Variants in KCNQ1 observed in about 807,000 individuals in gnomAD.
KCNQ1 encodes potassium voltage-gated channel subfamily KQT member 1.
A neutral mutation model predicts 72.4 loss-of-function variants in KCNQ1; 49 were observed. The observed-to-expected ratio is 0.68, with a 90% CI of 0.54 to 0.86. The LOEUF is 0.86. KCNQ1 is among the 40% of genes least tolerant of loss of function. The pLI, the probability that KCNQ1 is intolerant of heterozygous loss-of-function variation, is 0.00. For missense variants in KCNQ1, 790 were observed against 945.1 expected (o/e 0.84, Z 2.15); for synonymous variants, 450 against 412.6 (o/e 1.09, Z -1.10).
chr11:2,611,384 T>C lies in KCNQ1; in HGVS notation c.1393+22530T>C, dbSNP rs747697692. 24 of 397,184 alleles carry C rather than the reference T, an allele frequency of 6.0e-5. No homozygotes were observed. Among genetic ancestry groups the C allele is most frequent in the Non-Finnish European group, 1.0e-4 (23 of 225,830 alleles). The allele number at this position is 397,184 out of a possible 1,614,324, so 24.6% of individuals were successfully genotyped here. ...ACAGGCATTTGCCACCATACCCAGC[T>C]AATTTTTAGTAGAGACAGAGTTTCA... On this transcript the variant is annotated intron_variant, in intron 10 of 15. Coordinates refer to ENST00000155840, the MANE Select transcript of KCNQ1 (RefSeq NM_000218.3). This position sits in a 1 kb window ranked among gnomAD's most constrained non-coding sequence, Gnocchi z 5.3.
intron 11 of KCNQ1, among the ~76,000 whole-genome samples, chr11:2,718,647 C>T (rs1473786374): frequency 2.6e-5 from 4 of 152,210 alleles, no homozygotes; most frequent in Non-Finnish European, 4.4e-5. Context: ...GCATGACTCC[C>T]CAGCTGGCTC....
Position 2,664,253 on chromosome 11 carries a change from G to A in KCNQ1, c.1514+2172G>A. On this transcript the variant is annotated intron_variant, in intron 11 of 15. Transcript: ENST00000155840. This position sits in a 1 kb window ranked among gnomAD's most constrained non-coding sequence, Gnocchi z 5.1. The stretch of plus-strand genomic sequence containing the variant: ...GAGGGATCTGAAGAGGGGACTGGGA[G>A]AGGGAAAAACAAGGAGGTTGCTGCA... 2 of 399,086 alleles carry A rather than the reference G, an allele frequency of 5.0e-6. No homozygotes were observed. The highest frequency in any genetic ancestry group is 4.4e-6 in the Non-Finnish European group (1 of 226,422). 24.7% of individuals were successfully genotyped at this position (399,086 alleles called of 1,614,324 possible).
At chr11:2,709,122 C>T (rs930086339) in intron 11 of KCNQ1, among the ~76,000 whole-genome samples, 3 of 152,226 alleles carry the variant, frequency 2.0e-5, no homozygotes, top group Middle Eastern at 3.4e-3. Context: ...GCACAGAATT[C>T]GCTGTAACCC....
intron 11 of KCNQ1, among the ~76,000 whole-genome samples, chr11:2,717,613 C>T (rs1482978866): frequency 2.0e-5 from 3 of 152,208 alleles, no homozygotes; most frequent in Non-Finnish European, 4.4e-5. Flanking sequence ...CGTTCCTGTC[C>T]CAATCCTCCC....
chr11:2,515,842 C>A lies in KCNQ1; in HGVS notation c.387-12086C>A, dbSNP rs577080208. ...CGGCCCTGGGGGGCTTGTGCTCTGC[C>A]GGGCCACCTGCACCCTCCGGGCCCC... On this transcript the variant is annotated intron_variant, in intron 1 of 15. Transcript: ENST00000155840. This position sits in a 1 kb window ranked among gnomAD's most constrained non-coding sequence, Gnocchi z 4.7. 2.0e-5 allele frequency among the ~76,000 whole-genome samples: 3 copies of A among 152,044 alleles called. No individual in the cohort carries two copies. Among genetic ancestry groups the A allele is most frequent in the South Asian group, 2.1e-4 (1 of 4,826 alleles).
chr11:2,456,538 T>G (rs1167082515), intron 1 of KCNQ1, among the ~76,000 whole-genome samples: 1 of 151,724 alleles, frequency 6.6e-6, no homozygotes, highest in African/African-American at 2.4e-5. Context: ...TGGGAGAAAA[T>G]ATTAGCAAAC....
At chr11:2,591,223 C>T (rs1251271248) in intron 10 of KCNQ1, among the ~76,000 whole-genome samples, 1 of 152,240 alleles carries the variant, frequency 6.6e-6, no homozygotes, top group Non-Finnish European at 1.5e-5. Context: ...CAGGATGGCT[C>T]ACCTGCATCC....
At position 2,666,405 on chromosome 11, in the gene KCNQ1, A is replaced by G. The variant is rs1199467504; in HGVS notation, c.1514+4324A>G. On this transcript the variant is annotated intron_variant, in intron 11 of 15. Transcript: ENST00000155840. ...CAGCTTCGCAAATCCTTGAGCAAAA[A>G]CAGCCCCGTGTGCGTTAATTAGAAT... 1.0e-5 allele frequency: 4 copies of G among 398,578 alleles called. No individual in the cohort carries two copies. In the East Asian group the frequency reaches 1.1e-4, roughly 11 times the overall value. The allele number at this position is 398,578 out of a possible 1,614,324, so 24.7% of individuals were successfully genotyped here.
In KCNQ1 at chr11:2,704,337, A is replaced by G. The variant is rs184769488; in HGVS notation, c.1514+42256A>G. On this transcript the variant is annotated intron_variant, in intron 11 of 15. Coordinates refer to ENST00000155840, the MANE Select transcript of KCNQ1 (RefSeq NM_000218.3). This position sits in a 1 kb window ranked among gnomAD's most constrained non-coding sequence, Gnocchi z 4.3. Reference sequence around the variant, plus strand: ...TTTCAGGTACATGGGCCTGTTGTCAACTCTGTTCCCACTGAGCCCATGAGA... The same window carrying G: ...TTTCAGGTACATGGGCCTGTTGTCAGCTCTGTTCCCACTGAGCCCATGAGA... 6.6e-6 allele frequency among the ~76,000 whole-genome samples: 1 copy of G among 151,916 alleles called. No individual in the cohort carries two copies. The highest frequency in any genetic ancestry group is 1.9e-4 in the East Asian group (1 of 5,174).
intron 15 of KCNQ1, among the ~76,000 whole-genome samples, chr11:2,821,134 T>G (rs1164320587): frequency 6.6e-6 from 1 of 152,102 alleles, no homozygotes; most frequent in Non-Finnish European, 1.5e-5. Context: ...CAGGGTGGGG[T>G]GGGTCTGTCA....
At position 2,544,956 on chromosome 11, in the gene KCNQ1, A is replaced by T. The variant is rs565797610; in HGVS notation, c.477+16938A>T. On this transcript the variant is annotated intron_variant, in intron 2 of 15. Coordinates refer to ENST00000155840, the MANE Select transcript of KCNQ1 (RefSeq NM_000218.3). This position sits in a 1 kb window ranked among gnomAD's most constrained non-coding sequence, Gnocchi z 4.4. ...TTTCCATAGATGTCTTTACCAGGTT[A>T]AGGAAACGTCCCCTCTAATACTATA... 2.3e-4 allele frequency among the ~76,000 whole-genome samples: 35 copies of T among 152,324 alleles called. No individual in the cohort carries two copies. The highest frequency in any genetic ancestry group is 3.8e-4 in the Non-Finnish European group (26 of 68,028).
intron 10 of KCNQ1, chr11:2,630,692 G>A (rs1849338587): frequency 2.5e-6 from 1 of 398,214 alleles, no homozygotes; most frequent in Non-Finnish European, 4.4e-6. Flanking sequence ...ACTTTCATAT[G>A]TTTTCATGTT....
At position 2,673,428 on chromosome 11, in the gene KCNQ1, G is replaced by T; in HGVS notation, c.1514+11347G>T. On this transcript the variant is annotated intron_variant, in intron 11 of 15. Transcript: ENST00000155840. The surrounding 1 kb of genome is among the most constrained non-coding windows in gnomAD (Gnocchi z 4.5). ...TTCTGCCTAGGCACCAGGCCTGGAG[G>T]TTCCAACTTGGTGTTGGGCCTCCTT... is the stretch of plus-strand genomic sequence containing the variant. 2.5e-6 allele frequency: 1 copy of T among 398,692 alleles called. No homozygotes were observed. The highest frequency in any genetic ancestry group is 3.6e-5 in the East Asian group (1 of 28,080). 24.7% of individuals were successfully genotyped at this position (398,692 alleles called of 1,614,324 possible). A position where few individuals can be genotyped will look rare whatever the true frequency, so the allele number is the denominator to read the frequency against.
intron 10 of KCNQ1, chr11:2,660,773 TACA>T (rs1849939789): frequency 7.5e-6 from 3 of 398,642 alleles, no homozygotes; most frequent in Admixed American, 8.8e-5. Flanking sequence ...CCTGAATTGC[TACA>T]ACTTCTTGGG....
In KCNQ1 at chr11:2,617,102, C is replaced by G. The variant is rs1849079676; in HGVS notation, c.1393+28248C>G. 1 of 398,004 alleles carries G rather than the reference C, an allele frequency of 2.5e-6. No homozygotes were observed. The highest frequency in any genetic ancestry group is 4.4e-6 in the Non-Finnish European group (1 of 225,832). 24.7% of individuals were successfully genotyped at this position (398,004 alleles called of 1,614,324 possible). A position where few individuals can be genotyped will look rare whatever the true frequency, so the allele number is the denominator to read the frequency against. ...GTGTATGAGTGAGAAAAGCTATGAT[C>G]TACTCAATTGGCAAAAATTCCAAAT... is the stretch of plus-strand genomic sequence containing the variant. On this transcript the variant is annotated intron_variant, in intron 10 of 15. Coordinates refer to ENST00000155840, the MANE Select transcript of KCNQ1 (RefSeq NM_000218.3). The surrounding 1 kb of genome is among the most constrained non-coding windows in gnomAD (Gnocchi z 4.6).
intron 10 of KCNQ1, among the ~76,000 whole-genome samples, chr11:2,604,894 A>G (rs746974970): frequency 5.8e-4 from 89 of 152,140 alleles, no homozygotes; most frequent in Admixed American, 2.9e-3. Flanking sequence ...TGGGTGCCTC[A>G]TTTTACATTC....
Position 2,549,923 on chromosome 11 carries a change from C to A in KCNQ1, c.478-20705C>A, listed in dbSNP as rs969040275. Among the ~76,000 whole-genome samples, 11 of 152,190 alleles carry A rather than the reference C, an allele frequency of 7.2e-5. No homozygotes were observed. Among genetic ancestry groups the A allele is most frequent in the African/African-American group, 2.7e-4 (11 of 41,446 alleles). On this transcript the variant is annotated intron_variant, in intron 2 of 15. Coordinates refer to ENST00000155840, the MANE Select transcript of KCNQ1 (RefSeq NM_000218.3). The surrounding 1 kb of genome is among the most constrained non-coding windows in gnomAD (Gnocchi z 6.2). ...CCGGCTCCTTGCCCACCGCCCCCGC[C>A]ACCCAGCGCGAGCCGCGTAGAGGAG... is the stretch of plus-strand genomic sequence containing the variant.
At chr11:2,753,852 C>T (rs1376841730) in intron 11 of KCNQ1, among the ~76,000 whole-genome samples, 1 of 152,180 alleles carries the variant, frequency 6.6e-6, no homozygotes, top group Non-Finnish European at 1.5e-5. Context: ...CACTCCATTA[C>T]AACACAAGGA....
intron 10 of KCNQ1, chr11:2,614,845 T>A (rs1849035934): frequency 1.0e-5 from 4 of 398,406 alleles, no homozygotes; most frequent in Non-Finnish European, 1.8e-5. Flanking sequence ...AACTTTGTTC[T>A]TTTTCAATAT....
Sources: allele counts gnomAD v4.1 joint callset (sites outside exome capture counted in the v4.1 genomes callset), GRCh38; gene constraint gnomAD v4.1.1; non-coding constraint Gnocchi (gnomAD v3.1); transcripts MANE v1.5; gene names NCBI Gene and HGNC (gene_info 2026-07-23, HGNC 2026-07-21).